Variants in TFDP1 observed in about 807,000 individuals in gnomAD.
TFDP1 encodes the protein DRTF1-polypeptide 1.
TFDP1 carries 6 observed loss-of-function variants against 48.0 expected under a neutral mutation model. The ratio of observed to expected loss-of-function variants is 0.13; its 90% CI spans 0.07 to 0.25. The LOEUF is 0.25. TFDP1 is among the 10% of genes least tolerant of loss of function. TFDP1 has a pLI of 1.00. For missense variants in TFDP1, 335 were observed against 543.0 expected (o/e 0.62, Z 3.81); for synonymous variants, 201 against 211.6 (o/e 0.95, Z 0.44).
At chr13:113,592,067 G>A (rs2048160601) in intron 2 of TFDP1, among the ~76,000 whole-genome samples, 1 of 152,258 alleles carries the variant, frequency 6.6e-6, no homozygotes, top group African/African-American at 2.4e-5. Context: ...CAGGTCATGG[G>A]CACTATTCAC....
intron 2 of TFDP1, among the ~76,000 whole-genome samples, chr13:113,593,659 G>A (rs1227551493): frequency 7.2e-6 from 1 of 138,676 alleles, no homozygotes; most frequent in Non-Finnish European, 1.5e-5. Flanking sequence ...CAGGTGACAG[G>A]TGTGGTGTAC....
At chr13:113,634,718 T>C in intron 8 of TFDP1, 116 bp downstream of exon 8, 1 of 762,600 alleles carries the variant, frequency 1.3e-6, no homozygotes, top group Non-Finnish European at 2.2e-6. Flanking sequence ...ATGACTGCTC[T>C]AAGATTCTGA....
intron 2 of TFDP1, among the ~76,000 whole-genome samples, chr13:113,605,801 G>A (rs980574054): frequency 8.5e-5 from 13 of 152,222 alleles, no homozygotes; most frequent in Middle Eastern, 3.2e-3. Flanking sequence ...AAGGTGGCAC[G>A]GTGGTGAGTG....
At chr13:113,625,894 C>G (rs1474776692) in intron 4 of TFDP1, among the ~76,000 whole-genome samples, 2 of 142,540 alleles carry the variant, frequency 1.4e-5, no homozygotes, top group African/African-American at 5.3e-5. Flanking sequence ...CCTCAGGTGT[C>G]TCTCACATGT....
Position 113,627,889 on chromosome 13 carries a change from G to A in TFDP1, c.187-3734G>A, listed in dbSNP as rs7317356. 0.43 allele frequency among the ~76,000 whole-genome samples: 64,598 copies of A among 151,976 alleles called. 14,547 individuals carry two copies. The highest frequency in any genetic ancestry group is 0.56 in the African/African-American group (23,351 of 41,432). The stretch of plus-strand genomic sequence containing the variant: ...TGGTCCCTGATACCAAAAAGGTGGG[G>A]GATCGCTGCTTTAAACACCAAGGCT... On this transcript the variant is annotated intron_variant, in intron 4 of 11. Transcript: ENST00000375370. This position sits in a 1 kb window ranked among gnomAD's most constrained non-coding sequence, Gnocchi z 4.1.
In TFDP1 at chr13:113,604,537, C is replaced by G. The variant is rs141550584; in HGVS notation, c.13-6459C>G. Reference sequence around the variant, plus strand: ...TGCTGAGTTTGAGATGGGAGCTGGCCCCTGGCCTGGAGAGTGGGGACTTGT... The same window carrying G: ...TGCTGAGTTTGAGATGGGAGCTGGCGCCTGGCCTGGAGAGTGGGGACTTGT... On this transcript the variant is annotated intron_variant, in intron 2 of 11. Coordinates refer to ENST00000375370, the MANE Select transcript of TFDP1 (RefSeq NM_007111.5). 5.1e-3 allele frequency among the ~76,000 whole-genome samples: 784 copies of G among 152,302 alleles called. 3 individuals are homozygous for G. Among genetic ancestry groups the G allele is most frequent in the Middle Eastern group, 0.031 (9 of 294 alleles).
chr13:113,603,386 C>T (rs925684990), intron 2 of TFDP1, among the ~76,000 whole-genome samples: 17 of 152,228 alleles, frequency 1.1e-4, no homozygotes, highest in African/African-American at 3.9e-4. Flanking sequence ...GCGCCTCCAT[C>T]CTGGCCAGGC....
intron 2 of TFDP1, among the ~76,000 whole-genome samples, chr13:113,595,375 G>A (rs141407284): frequency 1.3e-5 from 2 of 152,298 alleles, no homozygotes; most frequent in East Asian, 3.9e-4. Flanking sequence ...GCAGCCTCCT[G>A]GGTTGTTTGC....
At chr13:113,609,076 G>A (rs1490093079) in intron 2 of TFDP1, among the ~76,000 whole-genome samples, 3 of 152,238 alleles carry the variant, frequency 2.0e-5, no homozygotes, top group Non-Finnish European at 4.4e-5. Flanking sequence ...TCCTGGTGTC[G>A]TATGTTTGTG....
In TFDP1 at chr13:113,627,191, T is replaced by TG. The variant is rs4150764; in HGVS notation, c.186+3909dup. On this transcript the variant is annotated intron_variant, in intron 4 of 11. Transcript: ENST00000375370. This position sits in a 1 kb window ranked among gnomAD's most constrained non-coding sequence, Gnocchi z 4.1. Reference sequence around the variant, plus strand: ...AGTCCGGGCATGTGAGTGAAAGCGGTGGGGAGGTCCTTAGGTCTCTGACCT... The same window carrying TG: ...AGTCCGGGCATGTGAGTGAAAGCGGTGGGGGAGGTCCTTAGGTCTCTGACCT... Among the ~76,000 whole-genome samples the TG allele has an allele frequency of 3.9e-5, 6 of 152,034 alleles. No homozygotes were observed. The highest frequency in any genetic ancestry group is 3.3e-4 in the Admixed American group (5 of 15,278).
chr13:113,608,945 G>A (rs1426817629), intron 2 of TFDP1, among the ~76,000 whole-genome samples: 1 of 152,196 alleles, frequency 6.6e-6, no homozygotes, highest in Non-Finnish European at 1.5e-5. Flanking sequence ...GGCCTGGATG[G>A]TAGTGCCCTC....
intron 10 of TFDP1, 94 bp from the exon 11 acceptor site, chr13:113,637,724 G>A (rs2049529821): frequency 6.2e-7 from 1 of 1,606,498 alleles, no homozygotes. Flanking sequence ...ACAGCCGTCT[G>A]TCCTGTGGAA....
chr13:113,626,979 C>T (rs1308426743), intron 4 of TFDP1, among the ~76,000 whole-genome samples: 1 of 152,244 alleles, frequency 6.6e-6, no homozygotes, highest in African/African-American at 2.4e-5. Flanking sequence ...AACTTCGTCA[C>T]TGAAAGTCAA....
At chr13:113,587,656 T>C (rs921458092) in intron 2 of TFDP1, among the ~76,000 whole-genome samples, 2 of 151,438 alleles carry the variant, frequency 1.3e-5, no homozygotes, top group Non-Finnish European at 2.9e-5. Context: ...GGCAAATTTT[T>C]TTGTATTTTT....
chr13:113,587,194 T>TG (rs1298041001), intron 2 of TFDP1, among the ~76,000 whole-genome samples: 5 of 150,624 alleles, frequency 3.3e-5, no homozygotes, highest in East Asian at 3.9e-4. Flanking sequence ...AGGCTGGGGG[T>TG]GGGGGGCGTG....
intron 4 of TFDP1, among the ~76,000 whole-genome samples, chr13:113,629,689 C>T (rs2049282068): frequency 2.6e-5 from 4 of 152,110 alleles, no homozygotes; most frequent in Admixed American, 1.3e-4. Context: ...AGGTGGATGA[C>T]GTGCATTTCG....
At chr13:113,591,570 T>G (rs1411135433) in intron 2 of TFDP1, among the ~76,000 whole-genome samples, 1 of 152,208 alleles carries the variant, frequency 6.6e-6, no homozygotes, top group African/African-American at 2.4e-5. Context: ...AGTAGAAGTA[T>G]CAGGTGCTCT....
chr13:113,625,199 T>G (rs1212463796), intron 4 of TFDP1, among the ~76,000 whole-genome samples: 32 of 111,538 alleles, frequency 2.9e-4, no homozygotes, highest in South Asian at 9.5e-4. Context: ...TGTCTCTCAC[T>G]TGTCCTCAGC....
At position 113,631,677 on chromosome 13, in the gene TFDP1, C is replaced by A; in HGVS notation, c.241C>A (p.Pro81Thr). ...GTCAAACACCCTGGTGGTAGGAAGC[C>A]CACACACCCCCAGCACTCACTTTGC... ...AASNTLVVGS[P>T]HTPSTHFASQ... is the part of the protein sequence containing the mutation. The change falls in exon 5 of 12, where the codon CCA (proline) becomes ACA (threonine). Residue 81 changes from proline (P) to threonine (T), a missense_variant. Physicochemically the swap from Pro to Thr is conservative, Grantham distance 38 (BLOSUM62 -1). This residue lies in a region of TFDP1 where 103 missense variants were observed against 140.4 expected (regional missense o/e 0.73). Coordinates refer to ENST00000375370, the MANE Select transcript of TFDP1 (RefSeq NM_007111.5). 1 of 1,614,132 alleles carries A rather than the reference C, an allele frequency of 6.2e-7. No homozygotes were observed. Among genetic ancestry groups the A allele is most frequent in the Non-Finnish European group, 8.5e-7 (1 of 1,180,016 alleles).
Sources: gnomAD v4.1 joint callset for allele counts (sites outside exome capture counted in the v4.1 genomes callset) on GRCh38, gnomAD v4.1.1 for gene constraint, gnomAD v4.1.1 regional missense constraint, Gnocchi (gnomAD v3.1) non-coding constraint, MANE v1.5 for transcripts, NCBI Gene and HGNC (gene_info 2026-07-23, HGNC 2026-07-21) for gene names.